The following SORCS3 variants were observed in gnomAD, a reference collection of about 807,000 sequenced individuals.
SORCS3 encodes sortilin related VPS10 domain containing receptor 3.
SORCS3 carries 57 observed loss-of-function variants against 146.3 expected under a neutral mutation model. The ratio of observed to expected loss-of-function variants is 0.39; its 90% CI spans 0.31 to 0.49. The LOEUF is 0.49. Among genes scored for constraint, SORCS3 ranks in the 20% least tolerant of loss-of-function variants. The pLI, the probability that SORCS3 is intolerant of heterozygous loss-of-function variation, is 0.92. For missense variants in SORCS3, 1,341 were observed against 1,575.5 expected (o/e 0.85, Z 2.52); for synonymous variants, 653 against 618.5 (o/e 1.06, Z -0.83).
chr10:104,985,431 C>T (rs574510707), intron 4 of SORCS3, among the ~76,000 whole-genome samples: 52 of 152,246 alleles, frequency 3.4e-4, no homozygotes, highest in South Asian at 1.0e-3. Context: ...GTTACTTCCC[C>T]CACTGAAGTC....
chr10:104,777,847 C>T (rs1459736649), intron 1 of SORCS3, among the ~76,000 whole-genome samples: 2 of 152,090 alleles, frequency 1.3e-5, no homozygotes, highest in East Asian at 1.9e-4. Context: ...TCCTGTTTTA[C>T]AAACTTGCCC....
chr10:104,828,729 C>A (rs1175001512), intron 1 of SORCS3, among the ~76,000 whole-genome samples: 1 of 152,042 alleles, frequency 6.6e-6, no homozygotes, highest in Non-Finnish European at 1.5e-5. Context: ...AAACAAGGTA[C>A]CTTTGTCTTC....
intron 2 of SORCS3, among the ~76,000 whole-genome samples, chr10:104,913,195 G>A (rs2018988023): frequency 6.6e-6 from 1 of 152,122 alleles, no homozygotes; most frequent in African/African-American, 2.4e-5. Context: ...CAGATCTGGG[G>A]TAGAAAAATA....
intron 2 of SORCS3, among the ~76,000 whole-genome samples, chr10:104,852,858 T>C (rs573979147): frequency 3.3e-5 from 5 of 152,340 alleles, no homozygotes; most frequent in Middle Eastern, 3.4e-3. Flanking sequence ...GGCTGTTTAA[T>C]TGGGCAATTA....
chr10:104,872,995 C>G (rs1277151147), intron 2 of SORCS3, among the ~76,000 whole-genome samples: 1 of 152,160 alleles, frequency 6.6e-6, no homozygotes, highest in African/African-American at 2.4e-5. Context: ...CACACAAGCA[C>G]ACAGACAAAC....
At chr10:104,824,717 C>G (rs2017915897) in intron 1 of SORCS3, among the ~76,000 whole-genome samples, 1 of 152,214 alleles carries the variant, frequency 6.6e-6, no homozygotes, top group Non-Finnish European at 1.5e-5. Flanking sequence ...TTGCCCTCAT[C>G]CGAAGCAGCT....
intron 7 of SORCS3, among the ~76,000 whole-genome samples, chr10:105,110,652 A>G (rs534128011): frequency 6.6e-6 from 1 of 152,184 alleles, no homozygotes; most frequent in South Asian, 2.1e-4. Context: ...AGACAGAACC[A>G]CCTGGAACAC....
In SORCS3 at chr10:104,945,236, C is replaced by CTGTTTTGTTTTGTTTTGTTT. The variant is rs10528591; in HGVS notation, c.795+29316_795+29335dup. Among the ~76,000 whole-genome samples, 1,382 of 151,448 alleles carry CTGTTTTGTTTTGTTTTGTTT rather than the reference C, an allele frequency of 9.1e-3. 17 individuals carry two copies. The highest frequency in any genetic ancestry group is 0.031 in the African/African-American group (1,285 of 41,018). On this transcript the variant is annotated intron_variant, in intron 3 of 26. Coordinates refer to ENST00000369701, the MANE Select transcript of SORCS3 (RefSeq NM_014978.3). ...GGGTTTCTGAGGTGTTGCTAATTTTCTGTTTTGTTTTGTTTTGTTTTGTTT... is the reference window on the plus strand; with the variant it reads ...GGGTTTCTGAGGTGTTGCTAATTTTCTGTTTTGTTTTGTTTTGTTTTGTTTTGTTTTGTTTTGTTTTGTTT...
chr10:104,704,230 C>G (rs992826052), intron 1 of SORCS3, among the ~76,000 whole-genome samples: 2 of 150,220 alleles, frequency 1.3e-5, no homozygotes, highest in African/African-American at 4.9e-5. Context: ...TGCAGTGGCA[C>G]GATCATGGCT....
chr10:104,933,309 T>G (rs2019227464), intron 3 of SORCS3, among the ~76,000 whole-genome samples: 1 of 150,638 alleles, frequency 6.6e-6, no homozygotes. Context: ...TCTGGCTATT[T>G]TTTTTTTTTT....
At chr10:105,116,564 G>A (rs999351900) in intron 7 of SORCS3, among the ~76,000 whole-genome samples, 12 of 152,058 alleles carry the variant, frequency 7.9e-5, no homozygotes, top group Admixed American at 5.9e-4. Context: ...AAATTGTTCT[G>A]TTGTAAAGAC....
chr10:105,158,744 CG>C, intron 10 of SORCS3, 147 bp from the exon 11 acceptor site: 1 of 611,672 alleles, frequency 1.6e-6, no homozygotes, highest in South Asian at 1.7e-5. Context: ...ATCTCAGGTG[CG>C]GATATCTCCT....
intron 3 of SORCS3, among the ~76,000 whole-genome samples, chr10:104,961,804 G>A (rs954778726): frequency 3.3e-5 from 5 of 152,032 alleles, no homozygotes; most frequent in African/African-American, 4.8e-5. Context: ...ACAATGAACT[G>A]AATATTTGGT....
intron 3 of SORCS3, among the ~76,000 whole-genome samples, chr10:104,973,305 G>T (rs1026230633): frequency 2.6e-4 from 39 of 151,338 alleles, no homozygotes; most frequent in African/African-American, 9.2e-4. Context: ...GTAGAATTCG[G>T]CTGTGAATCC....
At chr10:104,730,978 C>G (rs1175014721) in intron 1 of SORCS3, among the ~76,000 whole-genome samples, 1 of 152,146 alleles carries the variant, frequency 6.6e-6, no homozygotes, top group Admixed American at 6.5e-5. Flanking sequence ...TCTGTTCTAC[C>G]CTGTGGATCA....
At chr10:104,793,963 C>T (rs1042193514) in intron 1 of SORCS3, among the ~76,000 whole-genome samples, 1 of 152,046 alleles carries the variant, frequency 6.6e-6, no homozygotes, top group Non-Finnish European at 1.5e-5. Context: ...CGGGAATGAC[C>T]AAAATTTAAG....
At chr10:104,886,973 G>A (rs1044224302) in intron 2 of SORCS3, among the ~76,000 whole-genome samples, 5 of 152,172 alleles carry the variant, frequency 3.3e-5, no homozygotes, top group Admixed American at 1.3e-4. Flanking sequence ...TTATGTGGGA[G>A]TATTTGGTAA....
At chr10:104,927,889 A>AAC (rs60692427) in intron 3 of SORCS3, among the ~76,000 whole-genome samples, 1 of 150,706 alleles carries the variant, frequency 6.6e-6, no homozygotes, top group Non-Finnish European at 1.5e-5. Flanking sequence ...AAAAAAAAAA[A>AAC]GAAGACAGTG....
chr10:105,204,940 T>C (rs1174735890), intron 16 of SORCS3, among the ~76,000 whole-genome samples: 4 of 152,228 alleles, frequency 2.6e-5, no homozygotes, highest in African/African-American at 7.2e-5. Flanking sequence ...TTAATGCTAA[T>C]GCTAGAAATC....
Sources: allele counts gnomAD v4.1 joint callset (sites outside exome capture counted in the v4.1 genomes callset), GRCh38; gene constraint gnomAD v4.1.1; transcripts MANE v1.5; gene names NCBI Gene and HGNC (gene_info 2026-07-23, HGNC 2026-07-21).